MINDY4: variants seen among roughly 807,000 people sequenced by gnomAD.
MINDY4 encodes MINDY lysine 48 deubiquitinase 4.
MINDY4 carries 68 observed loss-of-function variants against 87.0 expected under a neutral mutation model. The ratio of observed to expected loss-of-function variants is 0.78; its 90% confidence interval spans 0.64 to 0.96. MINDY4 has a LOEUF of 0.96. Ranked by LOEUF, MINDY4 falls within the 40% of genes least tolerant of loss-of-function variation. The probability of loss-of-function intolerance (pLI) is 0.00; values close to 1 mark genes in which losing one functional copy is unlikely to be tolerated. For missense variants in MINDY4, 919 were observed against 928.2 expected (o/e 0.99, Z 0.13); for synonymous variants, 379 against 363.2 (o/e 1.04, Z -0.50).
intron 5 of MINDY4, among the ~76,000 whole-genome samples, chr7:30,799,645 G>T (rs1787590785): frequency 6.6e-6 from 1 of 152,226 alleles, no homozygotes. Context: ...GAACTTTTTA[G>T]AAACAGCTTG....
intron 17 of MINDY4, among the ~76,000 whole-genome samples, chr7:30,891,474 T>C (rs1430539412): frequency 5.9e-5 from 9 of 152,236 alleles, no homozygotes. Context: ...TACCTTTCTG[T>C]GGCTCTCAGT....
intron 10 of MINDY4, among the ~76,000 whole-genome samples, chr7:30,851,229 G>T (rs1789404282): frequency 6.6e-6 from 1 of 152,192 alleles, no homozygotes; most frequent in Non-Finnish European, 1.5e-5. Flanking sequence ...TACTCTGGGG[G>T]CACGTTGGTC....
intron 5 of MINDY4, among the ~76,000 whole-genome samples, chr7:30,807,905 G>T (rs1384855712): frequency 4.6e-5 from 7 of 152,226 alleles, no homozygotes; most frequent in Non-Finnish European, 7.3e-5. Flanking sequence ...TGTTGGAGAT[G>T]TGAGTCTTGC....
At chr7:30,799,183 C>T (rs1303891005) in intron 5 of MINDY4, among the ~76,000 whole-genome samples, 1 of 152,130 alleles carries the variant, frequency 6.6e-6, no homozygotes, top group African/African-American at 2.4e-5. Flanking sequence ...ATGGGCTGCT[C>T]TGTAATGGCT....
intron 17 of MINDY4, among the ~76,000 whole-genome samples, chr7:30,886,066 T>G (rs1248662507): frequency 6.6e-6 from 1 of 152,114 alleles, no homozygotes; most frequent in Non-Finnish European, 1.5e-5. Context: ...GGCCCCACCG[T>G]GTCAGGAAGG....
rs749042845 is a variant in MINDY4 at position 30,785,805 on chromosome 7, C to T, written c.476C>T (p.Pro159Leu). Residue 159 changes from proline to leucine, a missense_variant, in exon 4 of 18, where the codon CCG (proline) becomes CTG (leucine). By Grantham distance (98) the Pro-to-Leu change is moderately conservative (BLOSUM62 -3). Coordinates refer to ENST00000265299, the MANE Select transcript of MINDY4 (RefSeq NM_032222.3). ...LGNFVSSKRP[P>L]HKSKPMQTVP... is the part of the protein sequence containing the mutation. The stretch of plus-strand genomic sequence containing the variant: ...AATTTTGTATCATCTAAAAGGCCCC[C>T]GCACAAAAGTAAGCCCATGCAGACG... 30 of 1,614,050 alleles carry T rather than the reference C, an allele frequency of 1.9e-5. No homozygotes were observed. Among genetic ancestry groups the T allele is most frequent in the African/African-American group, 8.0e-5 (6 of 74,910 alleles).
At chr7:30,778,759 G>A (rs1280926945) in intron 2 of MINDY4, among the ~76,000 whole-genome samples, 1 of 152,338 alleles carries the variant, frequency 6.6e-6, no homozygotes, top group African/African-American at 2.4e-5. Context: ...GCCCATTGGC[G>A]TGTTGTGTGT....
At chr7:30,880,973 A>G (rs1005628524) in intron 15 of MINDY4, among the ~76,000 whole-genome samples, 6 of 152,152 alleles carry the variant, frequency 3.9e-5, no homozygotes, top group African/African-American at 1.4e-4. Flanking sequence ...GGAGCTGCTC[A>G]CCCACTCTCC....
intron 13 of MINDY4, among the ~76,000 whole-genome samples, chr7:30,860,980 T>G (rs1240264930): frequency 6.6e-6 from 1 of 151,912 alleles, no homozygotes; most frequent in Non-Finnish European, 1.5e-5. Context: ...GATATACAGA[T>G]GCACATACGT....
rs1790490495 is a variant in MINDY4 at position 30,882,357 on chromosome 7, C to A, written c.2148C>A (p.Thr716=). Residue 716 remains threonine, a synonymous_variant, in exon 16 of 18, where the codon ACC becomes ACA. Transcript: ENST00000265299. ...ACCAGCAGGAGCAGATCCGGCTGAC[C>A]ATTGGTGCGGGCCCTCACCCCCCCA... The part of the protein sequence containing the change: ...LANQQEQIRL[T]IDTTQTISED... 1 of 1,584,352 alleles carries A rather than the reference C, an allele frequency of 6.3e-7. No homozygotes were observed. Among genetic ancestry groups the A allele is most frequent in the Non-Finnish European group, 8.6e-7 (1 of 1,161,158 alleles).
In MINDY4 at chr7:30,791,531, G is replaced by T. The variant is rs1430914224; in HGVS notation, c.1030G>T (p.Glu344Ter). ...TTCCAGGATGACCCAGGAGAGGCTGGAAAGAGCGTTCAAACGGCAGGGCAG... is the reference window on the plus strand; with the variant it reads ...TTCCAGGATGACCCAGGAGAGGCTGTAAAGAGCGTTCAAACGGCAGGGCAG... ...GNSRMTQERL[E>*]RAFKRQGSQP... Residue 344 changes from glutamate (E) to a stop codon, truncating the protein, a stop_gained, in exon 5 of 18, where the codon GAA becomes TAA. Transcript: ENST00000265299. LOFTEE classifies it high-confidence loss of function. 1 of 1,613,690 alleles carries T rather than the reference G, an allele frequency of 6.2e-7. No homozygotes were observed. The highest frequency in any genetic ancestry group is 1.3e-5 in the African/African-American group (1 of 75,048).
intron 10 of MINDY4, among the ~76,000 whole-genome samples, chr7:30,850,791 C>T (rs558604300): frequency 6.3e-4 from 96 of 152,328 alleles, no homozygotes; most frequent in Admixed American, 1.6e-3. Flanking sequence ...TGTTGGAAGG[C>T]GTGGTCTGTC....
At position 30,892,265 on chromosome 7, in the gene MINDY4, C is replaced by T. The variant is rs930150464; in HGVS notation, c.*260C>T. 3 of 490,240 alleles carry T rather than the reference C, an allele frequency of 6.1e-6. No homozygotes were observed. The allele number at this position is 490,240 out of a possible 1,614,324, so 30.4% of individuals were successfully genotyped here. ...AAGGAGGTTGCCAGGGTCTCTGCTACCTTTGTCTGCATCCCTCCCTTGCTC... is the reference window on the plus strand; with the variant it reads ...AAGGAGGTTGCCAGGGTCTCTGCTATCTTTGTCTGCATCCCTCCCTTGCTC... On this transcript the variant is annotated 3_prime_UTR_variant, in exon 18 of 18. Transcript: ENST00000265299.
At chr7:30,819,088 C>G (rs1297860880) in intron 5 of MINDY4, among the ~76,000 whole-genome samples, 1 of 151,978 alleles carries the variant, frequency 6.6e-6, no homozygotes, top group African/African-American at 2.4e-5. Flanking sequence ...ATTTTTCCTC[C>G]TTCCTACTCT....
intron 1 of MINDY4, among the ~76,000 whole-genome samples, chr7:30,777,178 C>T (rs914021607): frequency 2.6e-5 from 4 of 151,950 alleles, no homozygotes; most frequent in Admixed American, 6.6e-5. Flanking sequence ...CCCAGGCCCC[C>T]GGTGGTTTTC....
chr7:30,793,037 T>G (rs950805593), intron 5 of MINDY4, among the ~76,000 whole-genome samples: 2 of 149,516 alleles, frequency 1.3e-5, no homozygotes, highest in Non-Finnish European at 3.0e-5. Context: ...ATTTTCTAAT[T>G]CCCATCGTGG....
At chr7:30,890,286 A>G (rs367782465) in intron 17 of MINDY4, among the ~76,000 whole-genome samples, 20 of 152,264 alleles carry the variant, frequency 1.3e-4, no homozygotes, top group African/African-American at 4.6e-4. Context: ...TAGGGAGCAC[A>G]ACGTAGGGCA....
chr7:30,853,445 C>A lies in MINDY4; in HGVS notation c.1663C>A (p.Gln555Lys), dbSNP rs756580010. 6.2e-7 allele frequency: 1 copy of A among 1,612,876 alleles called. No homozygotes were observed. The highest frequency in any genetic ancestry group is 1.1e-5 in the South Asian group (1 of 90,660). ...TGAGGACCTGGTGACTTTTCTTCAA[C>A]AAAGCATTCATCAGGTATGAAGCAT... ...CYEDLVTFLQQSIHQFEVGPY... is the reference protein window; with the variant it reads ...CYEDLVTFLQKSIHQFEVGPY... Residue 555 changes from glutamine (Q) to lysine (K), a missense_variant, in exon 12 of 18, where the codon CAA (glutamine) becomes AAA (lysine). Coordinates refer to ENST00000265299, the MANE Select transcript of MINDY4 (RefSeq NM_032222.3).
intron 12 of MINDY4, among the ~76,000 whole-genome samples, chr7:30,857,168 T>C (rs1182803678): frequency 6.6e-6 from 1 of 152,252 alleles, no homozygotes; most frequent in Admixed American, 6.5e-5. Flanking sequence ...CATAGTCAGC[T>C]TGCCCTCTCT....
Sources: gnomAD v4.1 joint callset for allele counts (sites outside exome capture counted in the v4.1 genomes callset) on GRCh38, gnomAD v4.1.1 for gene constraint, MANE v1.5 for transcripts, NCBI Gene and HGNC (gene_info 2026-07-23, HGNC 2026-07-21) for gene names.